OPHN1: variants seen among roughly 807,000 people sequenced by gnomAD.
The protein encoded by OPHN1 is oligophrenin 1.
In OPHN1, 11 loss-of-function variants were observed where a neutral mutation model predicts 60.7. That is an observed-to-expected ratio of 0.18 (90% confidence interval 0.11 to 0.30). OPHN1 has a LOEUF of 0.30. Ranked by LOEUF, OPHN1 falls within the 10% of genes least tolerant of loss-of-function variation. OPHN1 has a pLI of 1.00. For synonymous variants in OPHN1, 226 were observed against 222.6 expected (o/e 1.02, Z -0.14); for missense variants, 449 against 611.0 (o/e 0.73, Z 2.80).
intron 5 of OPHN1, among the ~76,000 whole-genome samples, chrX:68,267,161 C>G (rs1413744735): frequency 9.0e-6 from 1 of 111,341 alleles, no homozygotes; most frequent in Non-Finnish European, 1.9e-5. Context: ...TTGAACTCAG[C>G]TCTGCAGCAA....
chrX:68,258,349 T>C (rs1375390127), intron 5 of OPHN1, among the ~76,000 whole-genome samples: 1 of 103,249 alleles, frequency 9.7e-6, no homozygotes, highest in Admixed American at 1.0e-4. Flanking sequence ...GCTGCACCCA[T>C]TAACTCGTCA....
chrX:68,404,751 A>C (rs1285919735), intron 2 of OPHN1, among the ~76,000 whole-genome samples: 5 of 112,260 alleles, frequency 4.5e-5, no homozygotes, highest in African/African-American at 6.5e-5. Context: ...CCAAAAAAAG[A>C]AAGAAAAGAA....
intron 5 of OPHN1, among the ~76,000 whole-genome samples, chrX:68,255,767 C>A (rs1602274015): frequency 9.0e-6 from 1 of 110,675 alleles, no homozygotes; most frequent in South Asian, 3.9e-4. Context: ...ACACACACCC[C>A]TTGTTCTGTC....
intron 15 of OPHN1, among the ~76,000 whole-genome samples, chrX:68,150,119 C>CA (rs915841029): frequency 1.3e-4 from 14 of 110,517 alleles, no homozygotes; most frequent in Non-Finnish European, 2.5e-4. Flanking sequence ...GGGAAATTTA[C>CA]AAAAAAAGAA....
At chrX:68,358,418 AT>A (rs1249360345) in intron 2 of OPHN1, among the ~76,000 whole-genome samples, 1 of 111,813 alleles carries the variant, frequency 8.9e-6, no homozygotes, top group Non-Finnish European at 1.9e-5. Flanking sequence ...TTGGGAGGTC[AT>A]GTGCTCGTTT....
chrX:68,116,739 T>C (rs1173513879), intron 16 of OPHN1, among the ~76,000 whole-genome samples: 1 of 111,894 alleles, frequency 8.9e-6, no homozygotes, highest in Non-Finnish European at 1.9e-5. Context: ...TTAGTCTTCT[T>C]GTGTTTCTCA....
At chrX:68,247,769 A>C (rs759084096) in intron 5 of OPHN1, among the ~76,000 whole-genome samples, 3,331 of 108,782 alleles carry the variant, frequency 0.031, 124 homozygotes, top group African/African-American at 0.1. Flanking sequence ...AAAAAAAAAA[A>C]ACACACAAAA....
intron 2 of OPHN1, among the ~76,000 whole-genome samples, chrX:68,355,262 A>G (rs764113137): frequency 8.9e-6 from 1 of 112,709 alleles, no homozygotes; most frequent in East Asian, 2.8e-4. Flanking sequence ...TTAAGAAAGT[A>G]GGAAAGGAAA....
chrX:68,220,230 G>A (rs1418222153), intron 6 of OPHN1, among the ~76,000 whole-genome samples: 1 of 104,426 alleles, frequency 9.6e-6, no homozygotes, highest in Non-Finnish European at 2.0e-5. Context: ...GACTAAACCA[G>A]GAAGAAGTTG....
intron 5 of OPHN1, among the ~76,000 whole-genome samples, chrX:68,256,180 T>C (rs1365429201): frequency 9.0e-6 from 1 of 111,282 alleles, no homozygotes; most frequent in Non-Finnish European, 1.9e-5. Context: ...GGAAGGCTGG[T>C]CTCACCGCCC....
chrX:68,365,329 C>A (rs777051144), intron 2 of OPHN1, among the ~76,000 whole-genome samples: 9 of 109,778 alleles, frequency 8.2e-5, no homozygotes, highest in African/African-American at 2.6e-4. Flanking sequence ...ACCACGTGAG[C>A]AAGGTATAGG....
At chrX:68,398,975 G>A (rs1418762521) in intron 2 of OPHN1, among the ~76,000 whole-genome samples, 2 of 108,138 alleles carry the variant, frequency 1.8e-5, no homozygotes, top group East Asian at 5.8e-4. Flanking sequence ...GTGTGTGTGT[G>A]TGTGTGTGTG....
In OPHN1 at chrX:68,217,206, C is replaced by T. The variant is rs187454457; in HGVS notation, c.487-3234G>A. Among the ~76,000 whole-genome samples the T allele has an allele frequency of 4.7e-4, 53 of 112,263 alleles. 2 individuals are homozygous for T. In the East Asian group the frequency reaches 0.012, roughly 26 times the overall value. ...AAATCGGGTCACTCCCACCCGAATA[C>T]TGCGCTTTTCCGACGGGCTTAAAAA... On this transcript the variant is annotated intron_variant, in intron 6 of 24. Coordinates refer to ENST00000355520, the MANE Select transcript of OPHN1 (RefSeq NM_002547.3).
chrX:68,102,286 AC>A (rs1158176324), intron 18 of OPHN1, among the ~76,000 whole-genome samples: 2 of 112,223 alleles, frequency 1.8e-5, no homozygotes, highest in African/African-American at 6.5e-5. Flanking sequence ...TGGGTAAATA[AC>A]AAAATTAAGG....
chrX:68,103,850 G>C (rs1389858012), intron 18 of OPHN1, among the ~76,000 whole-genome samples: 1 of 111,733 alleles, frequency 8.9e-6, no homozygotes, highest in Non-Finnish European at 1.9e-5. Context: ...AGAAATAAAG[G>C]GTATTCAAAC....
chrX:68,274,311 C>T (rs1361558930), intron 5 of OPHN1, among the ~76,000 whole-genome samples: 1 of 112,122 alleles, frequency 8.9e-6, no homozygotes, highest in Non-Finnish European at 1.9e-5. Flanking sequence ...AAAGAATGAA[C>T]GTAAAGCACC....
chrX:68,125,491 A>G (rs750828887), intron 15 of OPHN1, among the ~76,000 whole-genome samples: 1 of 111,627 alleles, frequency 9.0e-6, no homozygotes, highest in South Asian at 3.8e-4. Context: ...CAGAGATGAG[A>G]AAGGAGACAT....
chrX:68,108,032 T>C (rs1758249153), intron 18 of OPHN1, among the ~76,000 whole-genome samples: 1 of 112,171 alleles, frequency 8.9e-6, no homozygotes, highest in Non-Finnish European at 1.9e-5. Context: ...TAGCTGGTAT[T>C]CCTTCTGCAA....
chrX:68,112,296 A>G (rs1364179536), intron 17 of OPHN1: 1 of 170,421 alleles, frequency 5.9e-6, no homozygotes, highest in African/African-American at 3.1e-5. Flanking sequence ...GATGTAGAAA[A>G]TAGAAGATAG....
Sources: allele counts gnomAD v4.1 joint callset (sites outside exome capture counted in the v4.1 genomes callset), GRCh38; gene constraint gnomAD v4.1.1; transcripts MANE v1.5; gene names NCBI Gene and HGNC (gene_info 2026-07-23, HGNC 2026-07-21).